Variants in WDFY1 observed in about 807,000 individuals in gnomAD.
WDFY1 encodes the protein WD repeat and FYVE domain-containing protein 1.
A neutral mutation model predicts 56.4 loss-of-function variants in WDFY1; 32 were observed. The observed-to-expected ratio is 0.57, with a 90% CI of 0.43 to 0.76. The LOEUF is 0.76. Ranked by LOEUF, WDFY1 falls within the 30% of genes least tolerant of loss-of-function variation. The pLI is 0.00. For missense variants in WDFY1, 480 were observed against 545.7 expected (o/e 0.88, Z 1.20); for synonymous variants, 192 against 197.3 (o/e 0.97, Z 0.23).
At chr2:223,919,437 C>T (rs1254899006) in intron 1 of WDFY1, among the ~76,000 whole-genome samples, 1 of 152,226 alleles carries the variant, frequency 6.6e-6, no homozygotes, top group Non-Finnish European at 1.5e-5. Context: ...TCACTAACTC[C>T]TGACCTCAAG....
chr2:223,918,621 ACT>A (rs1325679972), intron 1 of WDFY1, among the ~76,000 whole-genome samples: 3 of 120,282 alleles, frequency 2.5e-5, no homozygotes, highest in Non-Finnish European at 5.4e-5. Context: ...ACAGAGTGAG[ACT>A]CTGTCTCAAA....
rs185508530 is a variant in WDFY1 at position 223,923,097 on chromosome 2, G to A, written c.138-5087C>T. 2.9e-3 allele frequency among the ~76,000 whole-genome samples: 440 copies of A among 152,288 alleles called. 3 individuals carry two copies. The highest frequency in any genetic ancestry group is 9.9e-3 in the African/African-American group (413 of 41,558). ...TGTCTGGGAATCAGGTTCCAAATGA[G>A]GCAACTGGCCTGGATGGTTGGCGCT... On this transcript the variant is annotated intron_variant, in intron 1 of 11. Transcript: ENST00000233055.
chr2:223,899,223 A>ATCT, intron 5 of WDFY1, 153 bp from the exon 6 acceptor site: 1 of 569,832 alleles, frequency 1.8e-6, no homozygotes, highest in Non-Finnish European at 3.1e-6. Flanking sequence ...CAAGAAAGGA[A>ATCT]ACACCCAACT....
chr2:223,886,751 C>G (rs1204656687), intron 8 of WDFY1, among the ~76,000 whole-genome samples: 2 of 74,992 alleles, frequency 2.7e-5, no homozygotes, highest in African/African-American at 8.6e-5. Context: ...AAAAAAAAAG[C>G]CTGTTTAACC....
chr2:223,940,078 T>G (rs1689272626), intron 1 of WDFY1, among the ~76,000 whole-genome samples: 1 of 152,198 alleles, frequency 6.6e-6, no homozygotes. Flanking sequence ...CCCAGTACTT[T>G]GGGAGGCCGA....
At chr2:223,891,815 G>A (rs990178679) in intron 8 of WDFY1, among the ~76,000 whole-genome samples, 30 of 152,280 alleles carry the variant, frequency 2.0e-4, no homozygotes, top group Admixed American at 1.9e-3. Context: ...GCCTTTCTCT[G>A]AGTTTTCCGC....
At position 223,912,318 on chromosome 2, in the gene WDFY1, A is replaced by T; in HGVS notation, c.214T>A (p.Ser72Thr). 6.2e-7 allele frequency: 1 copy of T among 1,603,470 alleles called. No homozygotes were observed. Among genetic ancestry groups the T allele is most frequent in the Non-Finnish European group, 8.5e-7 (1 of 1,177,290 alleles). Reference sequence around the variant, plus strand: ...CTGTCATGATGGTAAGCCATAGCAGAGCAAGGAGCTGCCAGAAAGACAAAG... The same window carrying T: ...CTGTCATGATGGTAAGCCATAGCAGTGCAAGGAGCTGCCAGAAAGACAAAG... ...SIYHTMASPC[S>T]AMAYHHDSRR... Residue 72 changes from serine to threonine, a missense_variant, in exon 3 of 12, where the codon TCT becomes ACT. Physicochemically the swap from Ser to Thr is moderately conservative, Grantham distance 58. Coordinates refer to ENST00000233055, the MANE Select transcript of WDFY1 (RefSeq NM_020830.5).
chr2:223,912,078 G>T (rs1396339259), intron 3 of WDFY1, among the ~76,000 whole-genome samples, 175 bp downstream of exon 3: 1 of 152,114 alleles, frequency 6.6e-6, no homozygotes, highest in Non-Finnish European at 1.5e-5. Flanking sequence ...GCCTCCTAAA[G>T]TGCTGGGATT....
chr2:223,926,426 C>T (rs1693979377), intron 1 of WDFY1, among the ~76,000 whole-genome samples: 1 of 152,102 alleles, frequency 6.6e-6, no homozygotes, highest in African/African-American at 2.4e-5. Context: ...CCAGTATGCC[C>T]AGCAAAAGTG....
chr2:223,931,316 A>G (rs1694068295), intron 1 of WDFY1, among the ~76,000 whole-genome samples: 1 of 152,252 alleles, frequency 6.6e-6, no homozygotes, highest in African/African-American at 2.4e-5. Context: ...CCTGTCTACC[A>G]AGGATAAAAC....
intron 1 of WDFY1, among the ~76,000 whole-genome samples, chr2:223,928,433 G>C (rs1694019862): frequency 6.6e-6 from 1 of 152,152 alleles, no homozygotes; most frequent in African/African-American, 2.4e-5. Context: ...CAATGTCCTG[G>C]GCTCCTTGTG....
chr2:223,884,859 C>CTCCT, intron 8 of WDFY1, 110 bp from the exon 9 acceptor site: 2 of 689,262 alleles, frequency 2.9e-6, no homozygotes, highest in Non-Finnish European at 4.5e-6. Flanking sequence ...TTCTTTTCTT[C>CTCCT]TTTTTTTTTT....
At chr2:223,903,288 G>A (rs904920148) in intron 4 of WDFY1, among the ~76,000 whole-genome samples, 3 of 152,224 alleles carry the variant, frequency 2.0e-5, no homozygotes, top group South Asian at 2.1e-4. Context: ...TTGGGAGGCC[G>A]AGGCAGGAGG....
chr2:223,918,171 A>G (rs1217070441), intron 1 of WDFY1, among the ~76,000 whole-genome samples, 161 bp from the exon 2 acceptor site: 2 of 152,010 alleles, frequency 1.3e-5, no homozygotes, highest in African/African-American at 4.8e-5. Context: ...ATGTACACAT[A>G]CATATATAGT....
chr2:223,899,147 A>T, intron 5 of WDFY1, 77 bp from the exon 6 acceptor site: 1 of 1,200,642 alleles, frequency 8.3e-7, no homozygotes. Context: ...AGCATTAGTC[A>T]AAGTTAGTTT....
chr2:223,914,441 T>C (rs1218466632), intron 2 of WDFY1, among the ~76,000 whole-genome samples: 1 of 152,240 alleles, frequency 6.6e-6, no homozygotes, highest in Admixed American at 6.5e-5. Context: ...AACCCTTTCA[T>C]TTATGATTGC....
At chr2:223,923,740 G>C (rs942070490) in intron 1 of WDFY1, among the ~76,000 whole-genome samples, 9 of 151,808 alleles carry the variant, frequency 5.9e-5, no homozygotes, top group Admixed American at 3.3e-4. Flanking sequence ...CAGCCTGGGC[G>C]ACAGAGCAAG....
At chr2:223,891,382 C>CAAAAAAAAAA (rs61587389) in intron 8 of WDFY1, among the ~76,000 whole-genome samples, 1 of 60,120 alleles carries the variant, frequency 1.7e-5, no homozygotes, top group Non-Finnish European at 2.9e-5. Flanking sequence ...GACTCCGTCT[C>CAAAAAAAAAA]AAAAAAAAAA....
At chr2:223,931,830 C>T (rs1694080299) in intron 1 of WDFY1, among the ~76,000 whole-genome samples, 1 of 152,028 alleles carries the variant, frequency 6.6e-6, no homozygotes, top group Admixed American at 6.5e-5. Flanking sequence ...GGACTACAGG[C>T]ATGCACTACC....
Sources: allele counts gnomAD v4.1 joint callset (sites outside exome capture counted in the v4.1 genomes callset), GRCh38; gene constraint gnomAD v4.1.1; transcripts MANE v1.5; gene names NCBI Gene and HGNC (gene_info 2026-07-23, HGNC 2026-07-21).